The following SPTAN1 variants were observed in gnomAD, a reference collection of about 807,000 sequenced individuals.
SPTAN1 encodes spectrin alpha, non-erythrocytic 1.
In SPTAN1, 61 loss-of-function variants were observed where a neutral mutation model predicts 331.3. The ratio of observed to expected loss-of-function variants is 0.18; its 90% CI spans 0.15 to 0.23. The LOEUF is 0.23. Ranked by LOEUF, SPTAN1 falls within the 10% of genes least tolerant of loss-of-function variation. The pLI is 1.00. For synonymous variants in SPTAN1, 1,153 were observed against 1,173.9 expected, an observed-to-expected ratio of 0.98 and a Z score of 0.36; for missense variants, 2,043 against 3,147.9, an observed-to-expected ratio of 0.65 and a Z score of 8.40.
intron 26 of SPTAN1, chr9:128,599,247 A>C (rs1411472553): frequency 2.1e-6 from 1 of 465,972 alleles, no homozygotes; most frequent in South Asian, 2.1e-5. Context: ...CGATTCTCCC[A>C]TCTCAGCTTC....
rs140939957 is a variant in SPTAN1 at position 128,584,380 on chromosome 9, T to A, written c.2292T>A (p.Ala764=). 3.7e-6 allele frequency: 6 copies of A among 1,614,170 alleles called. No homozygotes were observed. Among genetic ancestry groups the A allele is most frequent in the Non-Finnish European group, 5.1e-6 (6 of 1,180,034 alleles). ...AGAAGAAACAGGAAGCCCTCGTGGC[T>A]CGCTATGAGGCACTCAAGGAGCCCA... ...NIKKKQEALV[A]RYEALKEPMV... Residue 764 remains alanine, a synonymous_variant, in exon 17 of 57, where the codon GCT becomes GCA. Transcript: ENST00000372739.
At chr9:128,576,785 G>C in intron 5 of SPTAN1, 38 bp from the exon 6 acceptor site, 1 of 1,611,486 alleles carries the variant, frequency 6.2e-7, no homozygotes, top group Non-Finnish European at 8.5e-7. Context: ...GGAGCCAGAA[G>C]TTGTGTACAA....
At chr9:128,617,170 C>T (rs1857273084) in intron 41 of SPTAN1, among the ~76,000 whole-genome samples, 2 of 150,820 alleles carry the variant, frequency 1.3e-5, no homozygotes, top group Admixed American at 6.6e-5. Context: ...ACCGGAGTGG[C>T]GGAGGTTGCA....
intron 21 of SPTAN1, 50 bp from the exon 22 acceptor site, chr9:128,591,427 T>C: frequency 6.2e-7 from 1 of 1,612,914 alleles, no homozygotes; most frequent in South Asian, 1.1e-5. Flanking sequence ...CCTTGGATTC[T>C]CCCTCTCAGA....
chr9:128,619,678 G>T (rs111309840), intron 44 of SPTAN1, among the ~76,000 whole-genome samples: 3,804 of 152,198 alleles, frequency 0.025, 138 homozygotes, highest in African/African-American at 0.078. Context: ...CTTTGCAGAG[G>T]ACATTTGCAA....
At chr9:128,586,125 T>G (rs1852594537) in intron 19 of SPTAN1, among the ~76,000 whole-genome samples, 160 bp downstream of exon 19, 2 of 138,374 alleles carry the variant, frequency 1.4e-5, no homozygotes, top group African/African-American at 5.4e-5. Context: ...TTTTTTTTTT[T>G]TTTTTTTTTT....
At position 128,570,304 on chromosome 9, in the gene SPTAN1, TTATATATATA is replaced by T. The variant is rs748964931; in HGVS notation, c.363+1425_363+1434del. Among the ~76,000 whole-genome samples the T allele has an allele frequency of 4.2e-4, 47 of 111,764 alleles. 1 individual carries two copies. The highest frequency in any genetic ancestry group is 1.7e-3 in the African/African-American group (43 of 25,784). The allele number at this position is 111,764 out of a possible 152,430, so 73.3% of individuals were successfully genotyped here. A position where few individuals can be genotyped will look rare whatever the true frequency, so the allele number is the denominator to read the frequency against. ...GTACCCTCTGCCCTGTTTAGACAGC[TTATATATATA>T]TATATATATATATATATTTTTTTTT... On this transcript the variant is annotated intron_variant, in intron 3 of 56. Coordinates refer to ENST00000372739, the MANE Select transcript of SPTAN1 (RefSeq NM_001130438.3).
At position 128,625,610 on chromosome 9, in the gene SPTAN1, A is replaced by G. The variant is rs973303066; in HGVS notation, c.6070-159A>G. ...GCCGCAGTGATCTGCGGTCTGAAGG[A>G]GAGCAGGAAAGGGGGCATGTGTGAC... On this transcript the variant is annotated intron_variant, in intron 47 of 56. Transcript: ENST00000372739. The surrounding 1 kb of genome is among the most constrained non-coding windows in gnomAD (Gnocchi z 4.1). Among the ~76,000 whole-genome samples, 5 of 152,066 alleles carry G rather than the reference A, an allele frequency of 3.3e-5. No homozygotes were observed. Among genetic ancestry groups the G allele is most frequent in the African/African-American group, 1.2e-4 (5 of 41,394 alleles).
intron 18 of SPTAN1, 50 bp downstream of exon 18, chr9:128,584,893 C>G: frequency 6.2e-7 from 1 of 1,613,040 alleles, no homozygotes; most frequent in South Asian, 1.1e-5. Context: ...CTCGTGTCTC[C>G]CCTTCTTGCC....
chr9:128,615,827 G>A lies in SPTAN1; in HGVS notation c.5344G>A (p.Glu1782Lys). 6.2e-7 allele frequency: 1 copy of A among 1,614,228 alleles called. No individual in the cohort carries two copies. Among genetic ancestry groups the A allele is most frequent in the Non-Finnish European group, 8.5e-7 (1 of 1,180,046 alleles). ...GTTCTTCCGGGACATGGATGACGAGGAGTCCTGGATCAAGTATGTCTTCTC... is the reference window on the plus strand; with the variant it reads ...GTTCTTCCGGGACATGGATGACGAGAAGTCCTGGATCAAGTATGTCTTCTC... ...HQFFRDMDDEESWIKEKKLLV... is the reference protein window; with the variant it reads ...HQFFRDMDDEKSWIKEKKLLV... Residue 1782 changes from glutamate to lysine, a missense_variant, in exon 41 of 57, where the codon GAG becomes AAG. Transcript: ENST00000372739.
chr9:128,612,343 C>A, intron 39 of SPTAN1, 97 bp downstream of exon 39: 1 of 1,473,010 alleles, frequency 6.8e-7, no homozygotes, highest in Non-Finnish European at 9.5e-7. Flanking sequence ...AGGCAGGGCT[C>A]ACCAGACACC....
At chr9:128,618,187 C>A in intron 43 of SPTAN1, 79 bp downstream of exon 43, 1 of 1,593,666 alleles carries the variant, frequency 6.3e-7, no homozygotes, top group South Asian at 1.1e-5. Flanking sequence ...TGTGGGGGTC[C>A]AGTGGGCCCT....
At position 128,584,744 on chromosome 9, in the gene SPTAN1, A is replaced by G. The variant is rs1852363945; in HGVS notation, c.2461A>G (p.Asn821Asp). ...AGGTAAGGATTTAATTGGGGTCCAG[A>G]ATCTGCTAAAGAAACATCAAGCCTT... ...NRGKDLIGVQ[N>D]LLKKHQALQA... Residue 821 changes from asparagine to aspartate, a missense_variant, in exon 18 of 57, where the codon AAT (asparagine) becomes GAT (aspartate). By Grantham distance (23) the Asn-to-Asp change is conservative. Transcript: ENST00000372739. 1 of 1,614,080 alleles carries G rather than the reference A, an allele frequency of 6.2e-7. No homozygotes were observed. The highest frequency in any genetic ancestry group is 1.7e-5 in the Admixed American group (1 of 60,002).
intron 52 of SPTAN1, 42 bp downstream of exon 52, chr9:128,630,417 C>T: frequency 2.5e-6 from 4 of 1,601,610 alleles, no homozygotes; most frequent in Non-Finnish European, 3.4e-6. Context: ...GACCCTTCAC[C>T]CAGCCACCCC....
chr9:128,605,562 A>T, intron 31 of SPTAN1, 85 bp downstream of exon 31: 5 of 1,534,772 alleles, frequency 3.3e-6, no homozygotes, highest in Non-Finnish European at 4.4e-6. Flanking sequence ...GTACATGCTC[A>T]GCAGGGTACA....
At chr9:128,582,351 T>G in intron 12 of SPTAN1, 128 bp from the exon 13 acceptor site, 1 of 824,994 alleles carries the variant, frequency 1.2e-6, no homozygotes. Context: ...CACCAACCTT[T>G]GGGTGAAAAC....
intron 1 of SPTAN1, among the ~76,000 whole-genome samples, chr9:128,564,611 CA>C (rs1392626958): frequency 6.6e-6 from 1 of 151,686 alleles, no homozygotes. Context: ...ATCTGGTATA[CA>C]AATATTAGGT....
rs1484977616 is a variant in SPTAN1 at position 128,633,542 on chromosome 9, C to T, written c.*208C>T. On this transcript the variant is annotated 3_prime_UTR_variant, in exon 57 of 57. Coordinates refer to ENST00000372739, the MANE Select transcript of SPTAN1 (RefSeq NM_001130438.3). Reference sequence around the variant, plus strand: ...GGGGACCCAGATCTGTGTCTTGAAGCAGCTGCCCTCATTCCGACTTCAGAA... The same window carrying T: ...GGGGACCCAGATCTGTGTCTTGAAGTAGCTGCCCTCATTCCGACTTCAGAA... The T allele has an allele frequency of 4.7e-6, 5 of 1,068,380 alleles. No homozygotes were observed. Among genetic ancestry groups the T allele is most frequent in the Middle Eastern group, 3.1e-4 (1 of 3,266 alleles). 66.2% of individuals were successfully genotyped at this position (1,068,380 alleles called of 1,614,324 possible). A position where few individuals can be genotyped will look rare whatever the true frequency, so the allele number is the denominator to read the frequency against.
Position 128,563,022 on chromosome 9 carries a change from A to G in SPTAN1, c.-3-3716A>G, listed in dbSNP as rs1336501111. ...TATATATATATATATATATATATAT[A>G]TATATGTATATATTTTATTACAAAA... On this transcript the variant is annotated intron_variant, in intron 1 of 56. Coordinates refer to ENST00000372739, the MANE Select transcript of SPTAN1 (RefSeq NM_001130438.3). Among the ~76,000 whole-genome samples the G allele has an allele frequency of 1.1e-3, 149 of 135,042 alleles. 4 individuals are homozygous for G. Among genetic ancestry groups the G allele is most frequent in the Admixed American group, 4.5e-4 (6 of 13,358 alleles). 88.6% of individuals were successfully genotyped at this position (135,042 alleles called of 152,430 possible). A position where few individuals can be genotyped will look rare whatever the true frequency, so the allele number is the denominator to read the frequency against.
Sources: gnomAD v4.1 joint callset for allele counts (sites outside exome capture counted in the v4.1 genomes callset) on GRCh38, gnomAD v4.1.1 for gene constraint, Gnocchi (gnomAD v3.1) non-coding constraint, MANE v1.5 for transcripts, NCBI Gene and HGNC (gene_info 2026-07-23, HGNC 2026-07-21) for gene names.